DNAH8: variants seen among roughly 807,000 people sequenced by gnomAD.
DNAH8 encodes the protein axonemal beta dynein heavy chain 8.
In DNAH8, 382 loss-of-function variants were observed where a neutral mutation model predicts 562.1. The ratio of observed to expected loss-of-function variants is 0.68; its 90% CI spans 0.63 to 0.74. The LOEUF (loss-of-function observed/expected upper bound fraction) is 0.74, where lower values mean the gene tolerates loss of function less well. Ranked by LOEUF, DNAH8 falls within the 30% of genes least tolerant of loss-of-function variation. DNAH8 has a pLI of 0.00. For synonymous variants in DNAH8, 1,881 were observed against 1,919.4 expected (o/e 0.98, Z 0.52); for missense variants, 5,203 against 5,620.4 (o/e 0.93, Z 2.37).
At chr6:38,827,794 C>T (rs531604027) in intron 29 of DNAH8, among the ~76,000 whole-genome samples, 10 of 112,294 alleles carry the variant, frequency 8.9e-5, no homozygotes, top group Non-Finnish European at 1.7e-4. Flanking sequence ...TACTGGTCAT[C>T]CCTTGGAGCC....
intron 89 of DNAH8, among the ~76,000 whole-genome samples, chr6:39,011,248 T>C (rs12196393): frequency 0.11 from 16,581 of 152,130 alleles, 1,089 homozygotes; most frequent in Admixed American, 0.2. Context: ...AGGAGGAGAA[T>C]GGTTCAGATG....
chr6:38,743,012 T>G lies in DNAH8; in HGVS notation c.1293+1125T>G, dbSNP rs1157756134. Among the ~76,000 whole-genome samples the G allele has an allele frequency of 1.1e-4, 14 of 124,546 alleles. 1 individual carries two copies. The highest frequency in any genetic ancestry group is 2.8e-4 in the South Asian group (1 of 3,632). 81.7% of individuals were successfully genotyped at this position (124,546 alleles called of 152,430 possible). A position where few individuals can be genotyped will look rare whatever the true frequency, so the allele number is the denominator to read the frequency against. On this transcript the variant is annotated intron_variant, in intron 8 of 92. Coordinates refer to ENST00000327475, the MANE Select transcript of DNAH8 (RefSeq NM_001206927.2). The stretch of plus-strand genomic sequence containing the variant: ...AAAAAAATGTTGTTGTTGTGCTTTT[T>G]TTTTTTTTTTTTTTTTTTTTTTAAA...
At chr6:38,989,046 T>A (rs1429951270) in intron 87 of DNAH8, among the ~76,000 whole-genome samples, 1 of 152,074 alleles carries the variant, frequency 6.6e-6, no homozygotes, top group Non-Finnish European at 1.5e-5. Context: ...TGCATAGGAG[T>A]TGAATAGGAT....
chr6:38,899,934 T>G (rs1779966965), intron 62 of DNAH8, 28 bp downstream of exon 62: 1 of 1,502,252 alleles, frequency 6.7e-7, no homozygotes, highest in Middle Eastern at 1.8e-4. Context: ...ACAATATGTT[T>G]TTCTATAGTT....
chr6:38,741,974 A>G (rs1236855829), intron 8 of DNAH8, 87 bp downstream of exon 8: 3 of 1,107,980 alleles, frequency 2.7e-6, no homozygotes, highest in Non-Finnish European at 3.8e-6. Flanking sequence ...AGTATAATAT[A>G]CTGGAATCGT....
chr6:38,967,013 T>G (rs1763012509), intron 82 of DNAH8, among the ~76,000 whole-genome samples: 3 of 152,174 alleles, frequency 2.0e-5, no homozygotes, highest in Admixed American at 2.0e-4. Context: ...ACTTTGGGGT[T>G]TAGGTTTCAA....
intron 21 of DNAH8, among the ~76,000 whole-genome samples, chr6:38,793,002 G>A (rs1769902248): frequency 6.6e-6 from 1 of 151,970 alleles, no homozygotes; most frequent in African/African-American, 2.4e-5. Context: ...GGCTGGTCTT[G>A]AACTCCTGAA....
chr6:38,874,226 C>T (rs1397144407), intron 52 of DNAH8, among the ~76,000 whole-genome samples: 1 of 108,998 alleles, frequency 9.2e-6, no homozygotes, highest in African/African-American at 3.4e-5. Flanking sequence ...CTCTCGCTCT[C>T]TCTTTCTCCC....
intron 58 of DNAH8, among the ~76,000 whole-genome samples, 189 bp downstream of exon 58, chr6:38,890,950 T>G (rs1779305456): frequency 6.6e-6 from 1 of 152,224 alleles, no homozygotes; most frequent in Non-Finnish European, 1.5e-5. Flanking sequence ...TAAATGATGC[T>G]TTCCGTATGT....
chr6:38,850,444 A>G (rs956228041), intron 38 of DNAH8, 30 bp downstream of exon 38: 1 of 1,592,354 alleles, frequency 6.3e-7, no homozygotes, highest in Non-Finnish European at 8.6e-7. Flanking sequence ...ATCACATATC[A>G]TTTTGTATGT....
chr6:38,944,652 G>A (rs1783704778), intron 79 of DNAH8, among the ~76,000 whole-genome samples: 1 of 152,138 alleles, frequency 6.6e-6, no homozygotes. Context: ...TGCCCATTTG[G>A]CCTGAGATAT....
intron 8 of DNAH8, 116 bp downstream of exon 8, chr6:38,742,003 T>TACTCAAAGGC: frequency 1.3e-6 from 1 of 776,630 alleles, no homozygotes; most frequent in Non-Finnish European, 1.9e-6. Flanking sequence ...GTGTTAGCCT[T>TACTCAAAGGC]TGAGTAAGGC....
In DNAH8 at chr6:38,984,229, G is replaced by C; in HGVS notation, c.12975G>C (p.Arg4325=). The C allele has an allele frequency of 6.2e-7, 1 of 1,600,572 alleles. No individual in the cohort carries two copies. Among genetic ancestry groups the C allele is most frequent in the Non-Finnish European group, 8.6e-7 (1 of 1,167,864 alleles). The part of the protein sequence containing the change: ...IKKGVSWNTV[R]YMIGEVQYGG... ...AGGGTGTATCATGGAATACGGTTCG[G>C]TACATGATCGGAGAAGTACAATATG... Residue 4325 remains arginine (R), a synonymous_variant, in exon 87 of 93, where the codon CGG becomes CGC. Transcript: ENST00000327475.
intron 8 of DNAH8, among the ~76,000 whole-genome samples, chr6:38,744,861 G>C (rs1343035357): frequency 6.6e-6 from 1 of 152,174 alleles, no homozygotes; most frequent in Non-Finnish European, 1.5e-5. Context: ...CACTCCCAAA[G>C]TGTTGGGATT....
intron 8 of DNAH8, among the ~76,000 whole-genome samples, chr6:38,748,003 C>G (rs775681151): frequency 4.6e-5 from 7 of 152,190 alleles, no homozygotes; most frequent in South Asian, 2.1e-4. Flanking sequence ...TATTCTGTTG[C>G]ATGAATGCAC....
chr6:38,984,913 G>C (rs554900456), intron 87 of DNAH8, among the ~76,000 whole-genome samples: 1 of 152,254 alleles, frequency 6.6e-6, no homozygotes, highest in African/African-American at 2.4e-5. Flanking sequence ...TGTGCCCAGG[G>C]CCTCTCCCCC....
chr6:38,995,855 C>A (rs1486000123), intron 88 of DNAH8, among the ~76,000 whole-genome samples: 1 of 152,202 alleles, frequency 6.6e-6, no homozygotes, highest in Non-Finnish European at 1.5e-5. Flanking sequence ...ATGTACTAGC[C>A]TTCTTAATAT....
rs755070157 is a variant in DNAH8 at position 38,770,559 on chromosome 6, G to C, written c.1764G>C (p.Lys588Asn). The C allele has an allele frequency of 1.9e-6, 3 of 1,595,630 alleles. No homozygotes were observed. In the South Asian group the frequency reaches 3.5e-5, roughly 18 times the overall value. Residue 588 changes from lysine to asparagine, a missense_variant and splice_region_variant, in exon 12 of 93, where the codon AAG becomes AAC. This residue lies in a region of DNAH8 where 2,176 missense variants were observed against 2,365.1 expected (regional missense o/e 0.92). Coordinates refer to ENST00000327475, the MANE Select transcript of DNAH8 (RefSeq NM_001206927.2). The stretch of plus-strand genomic sequence containing the variant: ...AAGCTTTTTGCAAAAGACTGGAGAA[G>C]GTAAGCATTATGCAGTCATCGTACC... ...KFEAFCKRLE[K>N]ITEMITVVQT... is the part of the protein sequence containing the mutation.
At chr6:38,719,063 C>T (rs1360243618) in intron 1 of DNAH8, among the ~76,000 whole-genome samples, 1 of 152,128 alleles carries the variant, frequency 6.6e-6, no homozygotes, top group African/African-American at 2.4e-5. Flanking sequence ...CCTTTTTCAG[C>T]AGAACATCAC....
Sources: allele counts gnomAD v4.1 joint callset (sites outside exome capture counted in the v4.1 genomes callset), GRCh38; gene constraint gnomAD v4.1.1; regional missense constraint gnomAD v4.1.1; transcripts MANE v1.5; gene names NCBI Gene and HGNC (gene_info 2026-07-23, HGNC 2026-07-21).